THAP4: variants seen among roughly 807,000 people sequenced by gnomAD.
The protein encoded by THAP4 is peroxynitrite isomerase THAP4.
A neutral mutation model predicts 48.1 loss-of-function variants in THAP4; 18 were observed. That is an observed-to-expected ratio of 0.37 (90% CI 0.26 to 0.56). The LOEUF (loss-of-function observed/expected upper bound fraction) is 0.56. Ranked by LOEUF, THAP4 falls within the 20% of genes least tolerant of loss-of-function variation. The probability of loss-of-function intolerance (pLI) is 0.78; values close to 1 mark genes in which losing one functional copy is unlikely to be tolerated. For synonymous variants in THAP4, 345 were observed against 324.9 expected (o/e 1.06, Z -0.66); for missense variants, 656 against 774.9 (o/e 0.85, Z 1.82).
At chr2:241,594,411 T>C (rs562864788) in intron 5 of THAP4, among the ~76,000 whole-genome samples, 2 of 152,124 alleles carry the variant, frequency 1.3e-5, no homozygotes, top group South Asian at 2.1e-4. Context: ...TGGCAAAAGC[T>C]TGTCTCTACA....
chr2:241,633,091 T>TGTTCTGCC lies in THAP4; in HGVS notation c.1058_1065dup (p.Lys356GlyfsTer21). The TGTTCTGCC allele has an allele frequency of 6.2e-7, 1 of 1,614,040 alleles. No individual in the cohort carries two copies. Among genetic ancestry groups the TGTTCTGCC allele is most frequent in the Non-Finnish European group, 8.5e-7 (1 of 1,180,018 alleles). On this transcript the variant is annotated frameshift_variant, in exon 2 of 6. Coordinates refer to ENST00000407315, the MANE Select transcript of THAP4 (RefSeq NM_015963.6). LOFTEE classifies it high-confidence loss of function. This position sits in a 1 kb window ranked among gnomAD's most constrained non-coding sequence, Gnocchi z 7.5. ...TCCCGCAGGCAGCACACCTGGCTCT[T>TGTTCTGCC]GTTCTGCCGGGAGGAGAAGCAGTAG...
chr2:241,601,983 C>T lies in THAP4; in HGVS notation c.1527G>A (p.Glu509=). Residue 509 remains glutamate, a synonymous_variant, in exon 5 of 6, where the codon GAG becomes GAA. Coordinates refer to ENST00000407315, the MANE Select transcript of THAP4 (RefSeq NM_015963.6). The surrounding 1 kb of genome is among the most constrained non-coding windows in gnomAD (Gnocchi z 4.0). ...GCTCCTGCCCGTTCACCTCGCCCTC[C>T]TCCACTTCCACCACGCCTGCAAGGG... is the stretch of plus-strand genomic sequence containing the variant. The part of the protein sequence containing the change: ...SAQNTGVVEV[E]EGEVNGQELC... 1 of 1,612,042 alleles carries T rather than the reference C, an allele frequency of 6.2e-7. No homozygotes were observed. Among genetic ancestry groups the T allele is most frequent in the Non-Finnish European group, 8.5e-7 (1 of 1,179,872 alleles).
chr2:241,598,539 T>G (rs1559220630), intron 5 of THAP4, among the ~76,000 whole-genome samples: 1 of 151,304 alleles, frequency 6.6e-6, no homozygotes, highest in African/African-American at 2.4e-5. Context: ...GCTGTGGGGG[T>G]GGGGGTGGTT....
At chr2:241,632,728 G>C (rs534622076) in intron 2 of THAP4, among the ~76,000 whole-genome samples, 189 bp downstream of exon 2, 1 of 152,320 alleles carries the variant, frequency 6.6e-6, no homozygotes, top group Admixed American at 6.5e-5. Flanking sequence ...TGTGGGACCA[G>C]GTGCAGTGAG....
intron 2 of THAP4, among the ~76,000 whole-genome samples, chr2:241,607,149 G>T (rs1311506240): frequency 3.3e-5 from 5 of 152,100 alleles, no homozygotes; most frequent in Non-Finnish European, 2.9e-5. Flanking sequence ...TCTCCTGTGG[G>T]GTTCAGTCTC....
chr2:241,609,112 G>T (rs1040937201), intron 2 of THAP4, among the ~76,000 whole-genome samples: 8 of 152,370 alleles, frequency 5.3e-5, no homozygotes, highest in Admixed American at 1.3e-4. Flanking sequence ...GCCAGGGAGG[G>T]CAATGGCAAA....
chr2:241,584,725 T>C lies in THAP4; in HGVS notation c.1615A>G (p.Ile539Val). Reference protein sequence around the residue: ...SFAKEPHVEQITRKFRLNSEG... With the variant: ...SFAKEPHVEQVTRKFRLNSEG... ...GAATTCAGCCTGAACTTCCGGGTGATCTGAGCAGGAGAATGGAACAAAGAT... is the reference window on the plus strand; with the variant it reads ...GAATTCAGCCTGAACTTCCGGGTGACCTGAGCAGGAGAATGGAACAAAGAT... The change falls in exon 6 of 6, where the codon ATC becomes GTC. Residue 539 changes from isoleucine (I) to valine (V), a missense_variant and splice_region_variant. Physicochemically the swap from Ile to Val is conservative, Grantham distance 29. Transcript: ENST00000407315. 6.2e-7 allele frequency: 1 copy of C among 1,614,186 alleles called. No homozygotes were observed. Among genetic ancestry groups the C allele is most frequent in the Non-Finnish European group, 8.5e-7 (1 of 1,180,030 alleles).
chr2:241,587,013 C>G (rs573717772), intron 5 of THAP4, among the ~76,000 whole-genome samples: 2 of 152,272 alleles, frequency 1.3e-5, no homozygotes, highest in South Asian at 4.1e-4. Flanking sequence ...AAAACTTTGG[C>G]TGATAATCAA....
rs2066867617 is a variant in THAP4 at position 241,584,534 on chromosome 2, ACTGT to A, written c.*68_*71del. ...GGCCACACCCACTTCTGCCGCAGGG[ACTGT>A]CTGTTGAGGAGCCGAACCGTTGAGG... On this transcript the variant is annotated 3_prime_UTR_variant, in exon 6 of 6. Transcript: ENST00000407315. The A allele has an allele frequency of 7.7e-6, 12 of 1,559,190 alleles. No homozygotes were observed. Among genetic ancestry groups the A allele is most frequent in the Non-Finnish European group, 1.1e-5 (12 of 1,133,188 alleles).
upstream of THAP4, chr2:241,637,206 C>T: frequency 1.0e-6 from 1 of 990,046 alleles, no homozygotes. Context: ...CAGCCCCCGC[C>T]CGCGTCCTCG....
rs1246788521 is a variant in THAP4, at chr2:241,616,789, T to C, written c.1241-10316A>G. Among the ~76,000 whole-genome samples the C allele has an allele frequency of 6.6e-6, 1 of 152,124 alleles. No homozygotes were observed. Among genetic ancestry groups the C allele is most frequent in the Non-Finnish European group, 1.5e-5 (1 of 68,038 alleles). ...GAGGCTTACGGCTGTGAGCAACTAA[T>C]GGCTGTGAGAAATACTTCCCTTCCT... On this transcript the variant is annotated intron_variant, in intron 2 of 5. Transcript: ENST00000407315. This position sits in a 1 kb window ranked among gnomAD's most constrained non-coding sequence, Gnocchi z 4.6.
At chr2:241,619,751 T>G in intron 2 of THAP4, among the ~76,000 whole-genome samples, 1 of 100,876 alleles carries the variant, frequency 9.9e-6, no homozygotes. Flanking sequence ...GAGGGGTGAG[T>G]GAGTTGGTGA....
chr2:241,632,904 C>A lies in THAP4; in HGVS notation c.1240+13G>T. On this transcript the variant is annotated intron_variant, in intron 2 of 5. Coordinates refer to ENST00000407315, the MANE Select transcript of THAP4 (RefSeq NM_015963.6). ...GGGAAGGGAACATGGGTACGCGAGG[C>A]TCCGGTACTGACCGCGGCTGGGCGA... 6.3e-7 allele frequency: 1 copy of A among 1,580,600 alleles called. No individual in the cohort carries two copies. Among genetic ancestry groups the A allele is most frequent in the Non-Finnish European group, 8.6e-7 (1 of 1,162,820 alleles).
At chr2:241,636,269 CA>C (rs1484361513) in intron 1 of THAP4, among the ~76,000 whole-genome samples, 1 of 152,246 alleles carries the variant, frequency 6.6e-6, no homozygotes, top group Non-Finnish European at 1.5e-5. Context: ...GAAACATCTC[CA>C]AAGTGGTTTT....
At chr2:241,628,332 C>A (rs552244415) in intron 2 of THAP4, among the ~76,000 whole-genome samples, 7 of 152,040 alleles carry the variant, frequency 4.6e-5, no homozygotes, top group African/African-American at 1.4e-4. Context: ...CCTCCACCCC[C>A]ACACTCACAT....
chr2:241,611,843 G>A (rs941710944), intron 2 of THAP4, among the ~76,000 whole-genome samples: 9 of 152,124 alleles, frequency 5.9e-5, no homozygotes, highest in African/African-American at 1.9e-4. Flanking sequence ...TGGACAAAAG[G>A]TGACAAGACA....
chr2:241,615,065 A>G (rs532392805), intron 2 of THAP4, among the ~76,000 whole-genome samples: 17 of 152,354 alleles, frequency 1.1e-4, no homozygotes, highest in African/African-American at 3.6e-4. Context: ...ATGAAAATCA[A>G]TCAGGTGTCC....
chr2:241,615,245 T>C (rs770409207), intron 2 of THAP4, among the ~76,000 whole-genome samples: 2 of 152,114 alleles, frequency 1.3e-5, no homozygotes, highest in African/African-American at 2.4e-5. Flanking sequence ...CCGCTGGACG[T>C]GGGTGTGGCT....
intron 2 of THAP4, among the ~76,000 whole-genome samples, chr2:241,615,663 TG>T (rs2067330807): frequency 6.6e-6 from 1 of 152,240 alleles, no homozygotes. Context: ...GACACCACTG[TG>T]GTGTGAGTCG....
Sources: gnomAD v4.1 joint callset for allele counts (sites outside exome capture counted in the v4.1 genomes callset) on GRCh38, gnomAD v4.1.1 for gene constraint, Gnocchi (gnomAD v3.1) non-coding constraint, MANE v1.5 for transcripts, NCBI Gene and HGNC (gene_info 2026-07-23, HGNC 2026-07-21) for gene names.